The following TTLL5 variants were observed in gnomAD, a reference collection of about 807,000 sequenced individuals.
The protein encoded by TTLL5 is tubulin tyrosine ligase like 5.
A neutral mutation model predicts 168.4 loss-of-function variants in TTLL5; 132 were observed. The observed-to-expected ratio is 0.78, with a 90% CI of 0.68 to 0.91. The LOEUF (loss-of-function observed/expected upper bound fraction) is 0.91. TTLL5 is among the 40% of genes least tolerant of loss of function. The pLI is 0.00. For missense variants in TTLL5, 1,545 were observed against 1,581.5 expected (o/e 0.98, Z 0.39); for synonymous variants, 546 against 558.6 (o/e 0.98, Z 0.32).
chr14:75,938,110 A>T (rs1239327571), intron 31 of TTLL5, among the ~76,000 whole-genome samples: 1 of 152,236 alleles, frequency 6.6e-6, no homozygotes, highest in Admixed American at 6.5e-5. Context: ...GGTAACTGAG[A>T]TAATACTAGT....
intron 29 of TTLL5, among the ~76,000 whole-genome samples, chr14:75,865,035 A>T (rs2030390498): frequency 6.6e-6 from 1 of 152,176 alleles, no homozygotes; most frequent in South Asian, 2.1e-4. Flanking sequence ...ATAATTGAGA[A>T]ATTGTAAGTG....
chr14:75,777,132 T>G (rs1454779396), intron 23 of TTLL5, among the ~76,000 whole-genome samples: 1 of 152,190 alleles, frequency 6.6e-6, no homozygotes, highest in Admixed American at 6.5e-5. Context: ...TTGTATGGGT[T>G]TGGCCTCTCC....
At chr14:75,696,225 C>A (rs1007247733) in intron 6 of TTLL5, among the ~76,000 whole-genome samples, 5 of 152,000 alleles carry the variant, frequency 3.3e-5, no homozygotes, top group Admixed American at 1.3e-4. Flanking sequence ...TTCTGTAGAA[C>A]CTTGTACTTC....
chr14:75,675,247 G>C (rs1884050630), intron 3 of TTLL5, among the ~76,000 whole-genome samples: 1 of 152,080 alleles, frequency 6.6e-6, no homozygotes, highest in African/African-American at 2.4e-5. Context: ...TCTGATACTA[G>C]GGCACAGCTA....
chr14:75,776,895 C>G, intron 23 of TTLL5, 45 bp downstream of exon 23: 3 of 1,451,134 alleles, frequency 2.1e-6, no homozygotes, highest in Non-Finnish European at 2.9e-6. Context: ...ATTCCATCTT[C>G]CATAATGCTC....
At chr14:75,691,707 A>G (rs1885474478) in intron 6 of TTLL5, among the ~76,000 whole-genome samples, 1 of 152,244 alleles carries the variant, frequency 6.6e-6, no homozygotes, top group Non-Finnish European at 1.5e-5. Context: ...AGACACACAG[A>G]GAGGACAGTT....
At chr14:75,704,838 T>G (rs1430571753) in intron 7 of TTLL5, among the ~76,000 whole-genome samples, 1 of 152,118 alleles carries the variant, frequency 6.6e-6, no homozygotes, top group Non-Finnish European at 1.5e-5. Flanking sequence ...TACCTAAATA[T>G]TGTAAGGGTT....
chr14:75,685,656 T>G (rs1884988777), intron 5 of TTLL5, among the ~76,000 whole-genome samples: 1 of 152,152 alleles, frequency 6.6e-6, no homozygotes, highest in African/African-American at 2.4e-5. Context: ...CCTAGGGTAC[T>G]TTTGCAAAAT....
chr14:75,776,998 GTTACTTGGGAGCC>G (rs991091892), intron 23 of TTLL5, 148 bp downstream of exon 23: 12 of 644,018 alleles, frequency 1.9e-5, no homozygotes, highest in Non-Finnish European at 3.1e-5. Context: ...TTTAGTTCTA[GTTACTTGGGAGCC>G]TGAGGCAGGA....
chr14:75,794,841 C>T (rs1265964546), intron 27 of TTLL5, among the ~76,000 whole-genome samples: 3 of 152,164 alleles, frequency 2.0e-5, no homozygotes, highest in Non-Finnish European at 4.4e-5. Flanking sequence ...TGATCTTGAG[C>T]AGTTCACTCC....
At chr14:75,819,384 C>A (rs1158344153) in intron 27 of TTLL5, among the ~76,000 whole-genome samples, 1 of 152,112 alleles carries the variant, frequency 6.6e-6, no homozygotes, top group East Asian at 1.9e-4. Flanking sequence ...ATATTGTATA[C>A]CAAAGTGATA....
Position 75,954,737 on chromosome 14 carries a change from T to A in TTLL5, c.*291T>A. On this transcript the variant is annotated 3_prime_UTR_variant, in exon 32 of 32. Transcript: ENST00000298832. ...GCACACTTGTATCTTTTACCTTCCC[T>A]TTGCCCCATGCCCCCAAACTGCTTA... The A allele has an allele frequency of 2.2e-6, 1 of 454,508 alleles. No homozygotes were observed. The highest frequency in any genetic ancestry group is 4.1e-5 in the South Asian group (1 of 24,570). The allele number at this position is 454,508 out of a possible 1,614,324, so 28.2% of individuals were successfully genotyped here.
At chr14:75,837,853 G>A (rs994867552) in intron 28 of TTLL5, among the ~76,000 whole-genome samples, 2 of 151,956 alleles carry the variant, frequency 1.3e-5, no homozygotes, top group African/African-American at 4.8e-5. Flanking sequence ...ATGTGTGTGT[G>A]TATGGGAGTG....
chr14:75,688,831 A>G (rs1023306601), intron 5 of TTLL5, among the ~76,000 whole-genome samples: 2 of 152,354 alleles, frequency 1.3e-5, no homozygotes, highest in Admixed American at 1.3e-4. Flanking sequence ...TTTTTCCTCA[A>G]TATCTCAGAA....
At chr14:75,945,733 G>A (rs185358245) in intron 31 of TTLL5, among the ~76,000 whole-genome samples, 3 of 152,286 alleles carry the variant, frequency 2.0e-5, no homozygotes, top group African/African-American at 7.2e-5. Context: ...AAGAGATAAT[G>A]GCTAAAAATT....
At chr14:75,709,091 A>G (rs1886861667) in intron 9 of TTLL5, 1 of 685,358 alleles carries the variant, frequency 1.5e-6, no homozygotes, top group Non-Finnish European at 2.7e-6. Flanking sequence ...GCTTGTTATA[A>G]AGCATAGCAG....
chr14:75,832,542 C>T (rs190356454), intron 28 of TTLL5, among the ~76,000 whole-genome samples: 3 of 152,314 alleles, frequency 2.0e-5, no homozygotes, highest in Admixed American at 6.5e-5. Flanking sequence ...TTTGACAAAA[C>T]CAAAGCCTAA....
chr14:75,954,464 A>G lies in TTLL5; in HGVS notation c.*18A>G, dbSNP rs1347926710. The G allele has an allele frequency of 6.2e-7, 1 of 1,613,734 alleles. No individual in the cohort carries two copies. The highest frequency in any genetic ancestry group is 8.5e-7 in the Non-Finnish European group (1 of 1,179,738). The stretch of plus-strand genomic sequence containing the variant: ...AAATATGAACCACAAACACACAGAG[A>G]AACAACCTGTTCACCACTCCTGGGT... On this transcript the variant is annotated 3_prime_UTR_variant, in exon 32 of 32. Coordinates refer to ENST00000298832, the MANE Select transcript of TTLL5 (RefSeq NM_015072.5).
intron 28 of TTLL5, among the ~76,000 whole-genome samples, chr14:75,855,475 G>T (rs1595155722): frequency 6.6e-6 from 1 of 152,162 alleles, no homozygotes; most frequent in Non-Finnish European, 1.5e-5. Flanking sequence ...TTCACTTAAG[G>T]GCAAGTCATA....
Sources: gnomAD v4.1 joint callset for allele counts (sites outside exome capture counted in the v4.1 genomes callset) on GRCh38, gnomAD v4.1.1 for gene constraint, MANE v1.5 for transcripts, NCBI Gene and HGNC (gene_info 2026-07-23, HGNC 2026-07-21) for gene names.